GPSM1: variants seen among roughly 807,000 people sequenced by gnomAD.
GPSM1 encodes the protein G protein signaling modulator 1, also known as G protein-signaling modulator 1.
In GPSM1, 48 loss-of-function variants were observed where a neutral mutation model predicts 70.5. The observed-to-expected ratio is 0.68, with a 90% CI of 0.54 to 0.87. GPSM1 has a LOEUF of 0.87. Among genes scored for constraint, GPSM1 ranks in the 40% least tolerant of loss-of-function variants. The probability of loss-of-function intolerance (pLI) is 0.00; values close to 1 mark genes in which losing one functional copy is unlikely to be tolerated. For missense variants in GPSM1, 981 were observed against 972.6 expected (o/e 1.01, Z -0.11); for synonymous variants, 416 against 430.1 (o/e 0.97, Z 0.41).
chr9:136,336,814 G>C, intron 3 of GPSM1, 107 bp from the exon 4 acceptor site: 1 of 1,121,028 alleles, frequency 8.9e-7, no homozygotes, highest in Middle Eastern at 2.1e-4. Flanking sequence ...GAGCCCCCAA[G>C]GCCCTCGCTG....
intron 13 of GPSM1, among the ~76,000 whole-genome samples, chr9:136,357,737 C>T (rs1326241624): frequency 2.0e-5 from 3 of 152,234 alleles, no homozygotes; most frequent in African/African-American, 7.2e-5. Flanking sequence ...GGGCCTGGCA[C>T]ACCCATGCCC....
intron 7 of GPSM1, 39 bp from the exon 8 acceptor site, chr9:136,339,668 G>A: frequency 7.3e-7 from 1 of 1,369,950 alleles, no homozygotes; most frequent in Non-Finnish European, 1.0e-6. Context: ...GGGCTGGCCT[G>A]GAGAGGGCGG....
At position 136,338,575 on chromosome 9, in the gene GPSM1, G is replaced by T. The variant is rs782499031; in HGVS notation, c.839G>T (p.Arg280Leu). The change falls in exon 7 of 14, where the codon CGG becomes CTG. Residue 280 changes from arginine to leucine, a missense_variant. Transcript: ENST00000440944. Reference sequence around the variant, plus strand: ...CACAGGAAGACGCTGCAACTGTCTCGGCAGCTCAGGGACCAGGCAGTGGAG... The same window carrying T: ...CACAGGAAGACGCTGCAACTGTCTCTGCAGCTCAGGGACCAGGCAGTGGAG... Reference protein sequence around the residue: ...EYYKKTLQLSRQLRDQAVEAQ... With the variant: ...EYYKKTLQLSLQLRDQAVEAQ... 1 of 1,611,142 alleles carries T rather than the reference G, an allele frequency of 6.2e-7. No individual in the cohort carries two copies. Among genetic ancestry groups the T allele is most frequent in the Non-Finnish European group, 8.5e-7 (1 of 1,179,378 alleles).
intron 5 of GPSM1, 86 bp downstream of exon 5, chr9:136,337,650 C>G: frequency 7.3e-7 from 1 of 1,362,076 alleles, no homozygotes; most frequent in Non-Finnish European, 1.0e-6. Context: ...CCTGAAAGGG[C>G]AGGGTGGTAT....
intron 7 of GPSM1, among the ~76,000 whole-genome samples, 171 bp downstream of exon 7, chr9:136,338,881 C>G (rs150653079): frequency 6.6e-6 from 1 of 152,208 alleles, no homozygotes; most frequent in South Asian, 2.1e-4. Flanking sequence ...GACATTGGGC[C>G]GGCCACTGAC....
rs529408495 is a variant in GPSM1, at chr9:136,353,750, T to C, written c.1456-1940T>C. On this transcript the variant is annotated intron_variant, in intron 11 of 13. Coordinates refer to ENST00000440944, the MANE Select transcript of GPSM1 (RefSeq NM_001145638.3). ...CCGGGTCACCTGGGGGAGTCCAGATTGGGCCAGAGGCAGAGGCCCCCCGCG... is the reference window on the plus strand; with the variant it reads ...CCGGGTCACCTGGGGGAGTCCAGATCGGGCCAGAGGCAGAGGCCCCCCGCG... Among the ~76,000 whole-genome samples, 4 of 152,278 alleles carry C rather than the reference T, an allele frequency of 2.6e-5. No homozygotes were observed. In the South Asian group the frequency reaches 8.3e-4, roughly 32 times the overall value.
At chr9:136,328,612 G>A (rs1832033552) in intron 1 of GPSM1, among the ~76,000 whole-genome samples, 1 of 152,240 alleles carries the variant, frequency 6.6e-6, no homozygotes, top group Non-Finnish European at 1.5e-5. Context: ...TGGCCCCCAA[G>A]GATTCTCTGG....
At chr9:136,348,651 G>A (rs781867566) in intron 9 of GPSM1, 46 bp from the exon 10 acceptor site, 40 of 1,449,064 alleles carry the variant, frequency 2.8e-5, no homozygotes, top group Non-Finnish European at 3.3e-5. Context: ...CACCCAATGC[G>A]AGGTGCCAGG....
At chr9:136,331,232 G>T (rs989670983) in intron 1 of GPSM1, among the ~76,000 whole-genome samples, 3 of 152,192 alleles carry the variant, frequency 2.0e-5, no homozygotes, top group Admixed American at 2.0e-4. Context: ...ACGACCTGGG[G>T]AGCGGCATCC....
At chr9:136,328,523 A>G (rs1265390325) in intron 1 of GPSM1, among the ~76,000 whole-genome samples, 1 of 152,106 alleles carries the variant, frequency 6.6e-6, no homozygotes, top group Non-Finnish European at 1.5e-5. Context: ...GAGGGACACT[A>G]TTGTCCTCTG....
At chr9:136,352,048 T>TGAC (rs146759042) in intron 11 of GPSM1, among the ~76,000 whole-genome samples, 14,194 of 126,170 alleles carry the variant, frequency 0.11, 1,240 homozygotes, top group East Asian at 0.15. Flanking sequence ...GTGCAGCTGA[T>TGAC]ACCAATACTG....
At chr9:136,329,427 G>A (rs935911636) in intron 1 of GPSM1, among the ~76,000 whole-genome samples, 1 of 152,254 alleles carries the variant, frequency 6.6e-6, no homozygotes, top group East Asian at 1.9e-4. Context: ...AGACGGGAGG[G>A]CCCTTTGCTG....
At chr9:136,344,912 C>A in intron 9 of GPSM1, among the ~76,000 whole-genome samples, 1 of 152,286 alleles carries the variant, frequency 6.6e-6, no homozygotes, top group East Asian at 1.9e-4. Flanking sequence ...CTAGGCCAGC[C>A]CTTACCAACC....
Position 136,339,721 on chromosome 9 carries a change from G to C in GPSM1, c.989G>C (p.Arg330Pro). ...CTCTCTGGCAGAGTGGGCGAGGGCC[G>C]GGCGTGCTGGAGCCTGGGAAATGCC... Reference protein sequence around the residue: ...QELADRVGEGRACWSLGNAYV... With the variant: ...QELADRVGEGPACWSLGNAYV... Residue 330 changes from arginine to proline, a missense_variant, in exon 8 of 14, where the codon CGG (arginine) becomes CCG (proline). Physicochemically the swap from Arg to Pro is moderately radical, Grantham distance 103. Transcript: ENST00000440944. 6.5e-7 allele frequency: 1 copy of C among 1,549,562 alleles called. No individual in the cohort carries two copies. Among genetic ancestry groups the C allele is most frequent in the Non-Finnish European group, 8.7e-7 (1 of 1,146,202 alleles).
chr9:136,348,516 C>T (rs529019703), intron 9 of GPSM1, among the ~76,000 whole-genome samples, 181 bp from the exon 10 acceptor site: 1 of 152,342 alleles, frequency 6.6e-6, no homozygotes, highest in Non-Finnish European at 1.5e-5. Context: ...CCCTTTGACT[C>T]TGACAGTACA....
At position 136,352,266 on chromosome 9, in the gene GPSM1, G is replaced by A. The variant is rs1481295594; in HGVS notation, c.1455+2503G>A. On this transcript the variant is annotated intron_variant, in intron 11 of 13. Coordinates refer to ENST00000440944, the MANE Select transcript of GPSM1 (RefSeq NM_001145638.3). ...CTGTTGGTGACACCGATGCTGCGCC[G>A]TTGCTGTTGGTGACACCGATGCTGC... 1.7e-5 allele frequency among the ~76,000 whole-genome samples: 2 copies of A among 114,714 alleles called. 1 individual carries two copies. Among genetic ancestry groups the A allele is most frequent in the Non-Finnish European group, 3.7e-5 (2 of 54,762 alleles). The allele number at this position is 114,714 out of a possible 152,430, so 75.3% of individuals were successfully genotyped here. A position where few individuals can be genotyped will look rare whatever the true frequency, so the allele number is the denominator to read the frequency against.
At chr9:136,346,994 A>C (rs894820140) in intron 9 of GPSM1, among the ~76,000 whole-genome samples, 1 of 152,176 alleles carries the variant, frequency 6.6e-6, no homozygotes, top group African/African-American at 2.4e-5. Context: ...CATGCTGCTA[A>C]CTTTGACGAG....
chr9:136,331,582 G>A (rs71508847), intron 1 of GPSM1, among the ~76,000 whole-genome samples: 154 of 152,296 alleles, frequency 1.0e-3, no homozygotes, highest in Middle Eastern at 3.4e-3. Flanking sequence ...CACTCTGGAC[G>A]CCATTCCTCT....
At chr9:136,346,166 G>A (rs1253912436) in intron 9 of GPSM1, among the ~76,000 whole-genome samples, 1 of 152,220 alleles carries the variant, frequency 6.6e-6, no homozygotes, top group Non-Finnish European at 1.5e-5. Context: ...GGCCCCTGGA[G>A]AGCAGGAGCT....
Sources: allele counts gnomAD v4.1 joint callset (sites outside exome capture counted in the v4.1 genomes callset), GRCh38; gene constraint gnomAD v4.1.1; transcripts MANE v1.5; gene names NCBI Gene and HGNC (gene_info 2026-07-23, HGNC 2026-07-21).